Variants in LINC00632 observed in about 807,000 individuals in gnomAD.
LINC00632 encodes the protein long independently transcribed non-coding RNA 632.
In LINC00632 at chrX:140,785,169, A is replaced by G. The variant is rs1262165608; in HGVS notation, n.13188A>G. Among the ~76,000 whole-genome samples the G allele has an allele frequency of 4.6e-5, 4 of 86,144 alleles. No individual in the cohort carries two copies. The East Asian group carries it at 1.2e-3, about 25-fold the overall frequency. 74.8% of individuals were successfully genotyped at this position (86,144 alleles called of 115,157 possible). A position where few individuals can be genotyped will look rare whatever the true frequency, so the allele number is the denominator to read the frequency against. On this transcript the variant is annotated non_coding_transcript_exon_variant, in exon 5 of 5. Coordinates refer to ENST00000648200, the Ensembl canonical transcript of LINC00632. ...TTTTTATCATTGGTCTTACATGACCAAAGAATAATAATAATATAATAATAA... is the reference window on the plus strand; with the variant it reads ...TTTTTATCATTGGTCTTACATGACCGAAGAATAATAATAATATAATAATAA...
intron 3 of LINC00632, among the ~76,000 whole-genome samples, chrX:140,738,099 G>T (rs1267290632): frequency 1.8e-5 from 2 of 111,950 alleles, no homozygotes; most frequent in Non-Finnish European, 3.8e-5. Context: ...AATATATACT[G>T]CAACTAGTTA....
intron 2 of LINC00632, among the ~76,000 whole-genome samples, chrX:140,724,478 TACACAC>T (rs199877034): frequency 3.5e-5 from 1 of 28,722 alleles, no homozygotes; most frequent in Non-Finnish European, 8.1e-5. Context: ...ATTCCATACA[TACACAC>T]ACACACATTC....
chrX:140,786,124 ACT>A (rs1430936325), exon 5 of LINC00632, among the ~76,000 whole-genome samples: 1 of 111,852 alleles, frequency 8.9e-6, no homozygotes, highest in Non-Finnish European at 1.9e-5. Flanking sequence ...TTAGGCAGGG[ACT>A]CTCTAAAGAT....
chrX:140,729,022 T>G (rs925528665), intron 2 of LINC00632, among the ~76,000 whole-genome samples: 1 of 110,908 alleles, frequency 9.0e-6, no homozygotes, highest in Admixed American at 9.7e-5. Flanking sequence ...TCCTATCACA[T>G]GAAATCACCC....
rs1022776406 is a variant in LINC00632, at chrX:140,724,688, A to G, written n.105-9190A>G. Among the ~76,000 whole-genome samples, 6 of 79,307 alleles carry G rather than the reference A, an allele frequency of 7.6e-5. No individual in the cohort carries two copies. The Admixed American group carries it at 8.7e-4, about 11-fold the overall frequency. 68.9% of individuals were successfully genotyped at this position (79,307 alleles called of 115,157 possible). On this transcript the variant is annotated intron_variant and non_coding_transcript_variant, in intron 2 of 4. Transcript: ENST00000648200. ...CCATGCCCACACATTCCATACACAC[A>G]CAGACACATCCAGTACACACACACA...
rs187942314 is a variant in LINC00632 at position 140,773,904 on chromosome X, G to A, written n.2018G>A. On this transcript the variant is annotated non_coding_transcript_exon_variant, in exon 4 of 5. Transcript: ENST00000648200. ...GAAAGTGGCTTGGCAACATTTCTCC[G>A]TTTGTAATGCTTTAACAGGTGTAGA... is the stretch of plus-strand genomic sequence containing the variant. Among the ~76,000 whole-genome samples the A allele has an allele frequency of 1.1e-3, 124 of 112,218 alleles. 1 individual carries two copies. The highest frequency in any genetic ancestry group is 3.8e-3 in the African/African-American group (116 of 30,891).
chrX:140,781,515 A>G (rs892606003), exon 5 of LINC00632, among the ~76,000 whole-genome samples: 1 of 111,398 alleles, frequency 9.0e-6, no homozygotes, highest in African/African-American at 3.3e-5. Context: ...TGTCCAAACA[A>G]TTGCCTAGAG....
intron 2 of LINC00632, among the ~76,000 whole-genome samples, chrX:140,729,753 TGGTAAAAAGGAATTTGAGA>T (rs1482841630): frequency 2.4e-4 from 26 of 110,535 alleles, no homozygotes; most frequent in African/African-American, 8.2e-4. Flanking sequence ...AGATAGCCTA[TGGTAAAAAGGAATTTGAGA>T]GGTAAAAAGG....
exon 5 of LINC00632, among the ~76,000 whole-genome samples, chrX:140,786,894 C>G (rs1365877427): frequency 9.0e-6 from 1 of 111,586 alleles, no homozygotes; most frequent in Admixed American, 9.5e-5. Context: ...CATCAGCATA[C>G]AAGGTTACAT....
chrX:140,759,561 A>G (rs75700500), intron 3 of LINC00632, among the ~76,000 whole-genome samples: 1,506 of 107,130 alleles, frequency 0.014, 27 homozygotes, highest in African/African-American at 0.049. Context: ...GGGTTTCACT[A>G]TGTTGCCCAG....
intron 3 of LINC00632, among the ~76,000 whole-genome samples, chrX:140,768,436 A>G (rs944764234): frequency 9.3e-6 from 1 of 107,607 alleles, no homozygotes; most frequent in Admixed American, 1.1e-4. Context: ...TTCTGTACCT[A>G]TACAATAGAA....
At chrX:140,785,190 A>G (rs962702550) in exon 5 of LINC00632, among the ~76,000 whole-genome samples, 2 of 80,118 alleles carry the variant, frequency 2.5e-5, no homozygotes, top group Admixed American at 3.1e-4. Flanking sequence ...ATAATATAAT[A>G]ATAATAATAA....
intron 3 of LINC00632, among the ~76,000 whole-genome samples, chrX:140,748,943 GTAT>G (rs1931371481): frequency 9.3e-6 from 1 of 107,013 alleles, no homozygotes; most frequent in Non-Finnish European, 1.9e-5. Context: ...ATATTGTGAA[GTAT>G]TATAATTGTT....
intron 2 of LINC00632, among the ~76,000 whole-genome samples, chrX:140,730,013 A>G (rs1793988639): frequency 9.2e-6 from 1 of 108,461 alleles, no homozygotes; most frequent in South Asian, 4.1e-4. Flanking sequence ...AGTAGCTGAG[A>G]CTACAGGCGC....
At chrX:140,728,499 G>A (rs1471387674) in intron 2 of LINC00632, among the ~76,000 whole-genome samples, 1 of 109,342 alleles carries the variant, frequency 9.1e-6, no homozygotes, top group Non-Finnish European at 1.9e-5. Context: ...TTGCACCACA[G>A]GATCAAGACC....
intron 2 of LINC00632, among the ~76,000 whole-genome samples, chrX:140,721,647 G>A (rs12833854): frequency 0.34 from 37,371 of 109,165 alleles, 5,718 homozygotes; most frequent in East Asian, 0.67. Context: ...GTACTGGTCC[G>A]TGGCCCAGGG....
chrX:140,745,344 T>A (rs1332779847), intron 3 of LINC00632, among the ~76,000 whole-genome samples: 4 of 110,316 alleles, frequency 3.6e-5, no homozygotes, highest in African/African-American at 1.3e-4. Flanking sequence ...ATATGACCCT[T>A]TTGATACTTG....
exon 5 of LINC00632, chrX:140,783,588 C>T: frequency 1.7e-6 from 2 of 1,198,643 alleles, no homozygotes; most frequent in Non-Finnish European, 2.2e-6. Context: ...CTAGATCTTC[C>T]AGTCAATCAG....
At chrX:140,787,710 T>G (rs1447510449) in exon 5 of LINC00632, among the ~76,000 whole-genome samples, 1 of 111,508 alleles carries the variant, frequency 9.0e-6, no homozygotes, top group Non-Finnish European at 1.9e-5. Context: ...TGGAATACTG[T>G]GTGGTCATTT....
Sources: gnomAD v4.1 joint callset for allele counts (sites outside exome capture counted in the v4.1 genomes callset) on GRCh38, gnomAD v4.1.1 for gene constraint, MANE v1.5 for transcripts, NCBI Gene and HGNC (gene_info 2026-07-23, HGNC 2026-07-21) for gene names.